The following TRAIP variants were observed in gnomAD, a reference collection of about 807,000 sequenced individuals.
TRAIP encodes TRAF interacting protein, also known as E3 ubiquitin-protein ligase TRAIP.
A neutral mutation model predicts 65.0 loss-of-function variants in TRAIP; 37 were observed. That is an observed-to-expected ratio of 0.57 (90% CI 0.44 to 0.75). The LOEUF is 0.75. Ranked by LOEUF, TRAIP falls within the 30% of genes least tolerant of loss-of-function variation. The pLI is 0.00. For synonymous variants in TRAIP, 187 were observed against 219.1 expected, an observed-to-expected ratio of 0.85 and a Z score of 1.29; for missense variants, 481 against 579.4, an observed-to-expected ratio of 0.83 and a Z score of 1.74.
In TRAIP at chr3:49,843,760, C is replaced by A. The variant is rs777404112; in HGVS notation, c.408+41G>T. ...TGGGGAGTCCAGTTCTGGGGCAATACCTCCCTATGAATTCTGTACCCATAA... is the reference window on the plus strand; with the variant it reads ...TGGGGAGTCCAGTTCTGGGGCAATAACTCCCTATGAATTCTGTACCCATAA... On this transcript the variant is annotated intron_variant, in intron 5 of 14. Transcript: ENST00000331456. 3.1e-6 allele frequency: 5 copies of A among 1,591,346 alleles called. No homozygotes were observed. The East Asian group carries it at 1.1e-4, about 36-fold the overall frequency.
At chr3:49,855,647 A>G (rs1332108049) in intron 1 of TRAIP, among the ~76,000 whole-genome samples, 4 of 152,216 alleles carry the variant, frequency 2.6e-5, no homozygotes, top group African/African-American at 9.7e-5. Flanking sequence ...AGCAGCCATC[A>G]GTGTCATGCC....
At chr3:49,829,404 G>A (rs770942348) in intron 14 of TRAIP, 54 bp downstream of exon 14, 4 of 1,613,268 alleles carry the variant, frequency 2.5e-6, no homozygotes, top group Admixed American at 1.7e-5. Context: ...TATAGGTGAG[G>A]CATAGTATGG....
At chr3:49,852,609 G>C (rs1366502274) in intron 1 of TRAIP, among the ~76,000 whole-genome samples, 1 of 151,536 alleles carries the variant, frequency 6.6e-6, no homozygotes, top group Non-Finnish European at 1.5e-5. Context: ...CAAAAAATTA[G>C]CTGGGCATGG....
chr3:49,829,537 C>T (rs1371612875), intron 13 of TRAIP, 29 bp from the exon 14 acceptor site: 1 of 1,613,996 alleles, frequency 6.2e-7, no homozygotes, highest in African/African-American at 1.3e-5. Flanking sequence ...ATGAGTGGGC[C>T]AGGCTAATGG....
chr3:49,854,829 G>T (rs1397338603), intron 1 of TRAIP, among the ~76,000 whole-genome samples: 2 of 152,008 alleles, frequency 1.3e-5, no homozygotes, highest in Non-Finnish European at 2.9e-5. Flanking sequence ...GGCAGAGGTG[G>T]GTGGATTACT....
chr3:49,832,492 GA>G (rs11450803), intron 10 of TRAIP, among the ~76,000 whole-genome samples: 1,786 of 128,518 alleles, frequency 0.014, 42 homozygotes, highest in African/African-American at 0.043. Context: ...TCCGTCTCAG[GA>G]AAAAAAAAAA....
In TRAIP at chr3:49,843,846, CAG is replaced by C; in HGVS notation, c.361_362del (p.Leu121AlafsTer27). 6.2e-7 allele frequency: 1 copy of C among 1,613,978 alleles called. No individual in the cohort carries two copies. Among genetic ancestry groups the C allele is most frequent in the Non-Finnish European group, 8.5e-7 (1 of 1,179,816 alleles). ...TCTCGGCCTTGCCCAAGGCCTGCTGCAGAGATACCACAGTAGCATTGCGTTCT... is the reference window on the plus strand; with the variant it reads ...TCTCGGCCTTGCCCAAGGCCTGCTGCAGATACCACAGTAGCATTGCGTTCT... The part of the protein sequence containing the change: ...LEERNATVVS[L>X]QQALGKAEML... On this transcript the variant is annotated frameshift_variant, in exon 5 of 15. Transcript: ENST00000331456. LOFTEE classifies it high-confidence loss of function.
chr3:49,838,568 C>T (rs754418629), intron 10 of TRAIP, among the ~76,000 whole-genome samples: 4 of 152,302 alleles, frequency 2.6e-5, no homozygotes, highest in African/African-American at 4.8e-5. Flanking sequence ...CCAGGCCTTC[C>T]AGCACCCTGA....
intron 10 of TRAIP, among the ~76,000 whole-genome samples, chr3:49,832,951 A>G (rs2081749258): frequency 6.6e-6 from 1 of 152,090 alleles, no homozygotes; most frequent in East Asian, 1.9e-4. Flanking sequence ...GCCTACCTGC[A>G]TTGATTTGGG....
intron 10 of TRAIP, among the ~76,000 whole-genome samples, chr3:49,838,862 G>A (rs770755485): frequency 6.6e-6 from 1 of 150,496 alleles, no homozygotes; most frequent in African/African-American, 2.4e-5. Context: ...CTCCAGTCTG[G>A]GAAACAGAGT....
intron 3 of TRAIP, 95 bp downstream of exon 3, chr3:49,847,429 GA>G: frequency 1.3e-6 from 1 of 778,832 alleles, no homozygotes; most frequent in Non-Finnish European, 2.1e-6. Flanking sequence ...AAAGAGAAGA[GA>G]AGAGAAGAGA....
intron 3 of TRAIP, 51 bp downstream of exon 3, chr3:49,847,474 T>C (rs1331125092): frequency 3.4e-6 from 4 of 1,163,680 alleles, no homozygotes; most frequent in Non-Finnish European, 5.0e-6. Flanking sequence ...AAAAGAAAAG[T>C]GAACTCGCAC....
intron 1 of TRAIP, among the ~76,000 whole-genome samples, chr3:49,849,604 G>T (rs1208081217): frequency 6.6e-6 from 1 of 151,776 alleles, no homozygotes; most frequent in African/African-American, 2.4e-5. Flanking sequence ...CAGCCTGGGC[G>T]ACAGAGCGAG....
At position 49,843,884 on chromosome 3, in the gene TRAIP, C is replaced by G. The variant is rs749814846; in HGVS notation, c.325G>C (p.Asp109His). 7 of 1,613,382 alleles carry G rather than the reference C, an allele frequency of 4.3e-6. No homozygotes were observed. The highest frequency in any genetic ancestry group is 5.1e-6 in the Non-Finnish European group (6 of 1,179,330). Reference sequence around the variant, plus strand: ...GTAGCATTGCGTTCTTCCAGCGTATCCCGCAGAGTGTCGATGATGACCTGG... The same window carrying G: ...GTAGCATTGCGTTCTTCCAGCGTATGCCGCAGAGTGTCGATGATGACCTGG... ...DSQVIIDTLR[D>H]TLEERNATVV... Residue 109 changes from aspartate (D) to histidine (H), a missense_variant, in exon 5 of 15, where the codon GAT becomes CAT. Coordinates refer to ENST00000331456, the MANE Select transcript of TRAIP (RefSeq NM_005879.3).
In TRAIP at chr3:49,829,391, G is replaced by A. The variant is rs2081711663; in HGVS notation, c.1287+67C>T. On this transcript the variant is annotated intron_variant, in intron 14 of 14. Transcript: ENST00000331456. ...GAGGCTGTTGGCACTGGCAGGCTGG[G>A]GGTATAGGTGAGGCATAGTATGGGC... 1.9e-6 allele frequency: 3 copies of A among 1,612,828 alleles called. No homozygotes were observed. The East Asian group carries it at 6.7e-5, about 36-fold the overall frequency.
At position 49,829,545 on chromosome 3, in the gene TRAIP, TGGGCTGGG is replaced by T. The variant is rs764164411; in HGVS notation, c.1237-45_1237-38del. The T allele has an allele frequency of 2.0e-5, 33 of 1,613,878 alleles. No homozygotes were observed. In the Admixed American group the frequency reaches 3.3e-4, roughly 16 times the overall value. On this transcript the variant is annotated intron_variant, in intron 13 of 14. Coordinates refer to ENST00000331456, the MANE Select transcript of TRAIP (RefSeq NM_005879.3). The stretch of plus-strand genomic sequence containing the variant: ...GGAAGAGATGAGTGGGCCAGGCTAA[TGGGCTGGG>T]GGGCTGGCCACCCATTTCTACCCAA...
chr3:49,842,225 G>A (rs1253208622), intron 6 of TRAIP, among the ~76,000 whole-genome samples: 1 of 152,224 alleles, frequency 6.6e-6, no homozygotes, highest in South Asian at 2.1e-4. Context: ...GCCACAGGCA[G>A]CAGAGACAGG....
chr3:49,828,887 G>C lies in TRAIP; in HGVS notation c.*216C>G, dbSNP rs560099225. ...GGAGCAGGACCTGCTGACAGGATCA[G>C]TGGGCTGGTCATGTCAGCTCCCAGT... On this transcript the variant is annotated 3_prime_UTR_variant, in exon 15 of 15. Transcript: ENST00000331456. The C allele has an allele frequency of 1.1e-4, 64 of 587,674 alleles. No homozygotes were observed. In the East Asian group the frequency reaches 1.9e-3, roughly 18 times the overall value. The allele number at this position is 587,674 out of a possible 1,614,324, so 36.4% of individuals were successfully genotyped here. A position where few individuals can be genotyped will look rare whatever the true frequency, so the allele number is the denominator to read the frequency against.
chr3:49,848,524 C>T (rs2081904375), intron 1 of TRAIP, among the ~76,000 whole-genome samples: 1 of 152,036 alleles, frequency 6.6e-6, no homozygotes, highest in Admixed American at 6.6e-5. Flanking sequence ...TCTGATAACA[C>T]CCCCATTTTA....
Sources: gnomAD v4.1 joint callset for allele counts (sites outside exome capture counted in the v4.1 genomes callset) on GRCh38, gnomAD v4.1.1 for gene constraint, MANE v1.5 for transcripts, NCBI Gene and HGNC (gene_info 2026-07-23, HGNC 2026-07-21) for gene names.